The following ZNF248 variants were observed in gnomAD, a reference collection of about 807,000 sequenced individuals.
ZNF248 encodes the protein zinc finger protein 248.
ZNF248 carries 20 observed loss-of-function variants against 44.3 expected under a neutral mutation model. The ratio of observed to expected loss-of-function variants is 0.45; its 90% CI spans 0.32 to 0.66. The LOEUF is 0.66. Ranked by LOEUF, ZNF248 falls within the 30% of genes least tolerant of loss-of-function variation. The pLI, the probability that ZNF248 is intolerant of heterozygous loss-of-function variation, is 0.04. For missense variants in ZNF248, 654 were observed against 677.0 expected, an observed-to-expected ratio of 0.97 and a Z score of 0.38; for synonymous variants, 224 against 229.0, an observed-to-expected ratio of 0.98 and a Z score of 0.20.
At chr10:37,852,870 A>G (rs754938223) in intron 3 of ZNF248, among the ~76,000 whole-genome samples, 9 of 147,664 alleles carry the variant, frequency 6.1e-5, no homozygotes, top group African/African-American at 2.2e-4. Flanking sequence ...AAGGCAGATA[A>G]TTTTTTTTTT....
Position 37,830,440 on chromosome 10 carries a change from G to A in ZNF248, c.*1175C>T, listed in dbSNP as rs1040306130. On this transcript the variant is annotated 3_prime_UTR_variant, in exon 6 of 6. Transcript: ENST00000395867. ...ACTGGCCAACCTACAAAGAGACTCC[G>A]GTAGTATTTAGAGTAGGACAGATTC... 1.6e-5 allele frequency: 16 copies of A among 985,166 alleles called. No individual in the cohort carries two copies. The highest frequency in any genetic ancestry group is 2.3e-4 in the East Asian group (2 of 8,804). 61.0% of individuals were successfully genotyped at this position (985,166 alleles called of 1,614,324 possible). A position where few individuals can be genotyped will look rare whatever the true frequency, so the allele number is the denominator to read the frequency against.
intron 6 of ZNF248, among the ~76,000 whole-genome samples, chr10:37,777,584 T>C (rs1309402143): frequency 6.6e-6 from 1 of 151,218 alleles, no homozygotes; most frequent in Non-Finnish European, 1.5e-5. Context: ...GTGCACATTG[T>C]GCAGGTTAGT....
intron 6 of ZNF248, among the ~76,000 whole-genome samples, chr10:37,777,294 A>G (rs1045773757): frequency 1.3e-5 from 2 of 152,124 alleles, no homozygotes; most frequent in Non-Finnish European, 1.5e-5. Flanking sequence ...CAGCGTTGCA[A>G]CTCCTGAACA....
the ZNF248 span, among the ~76,000 whole-genome samples, chr10:37,768,741 T>G: frequency 6.6e-6 from 1 of 151,940 alleles, no homozygotes; most frequent in Non-Finnish European, 1.5e-5. Context: ...CACACTCAAA[T>G]GCTAGCAGAA....
At chr10:37,856,392 G>C in intron 2 of ZNF248, 43 bp downstream of exon 2, 17 of 1,603,604 alleles carry the variant, frequency 1.1e-5, no homozygotes, top group South Asian at 4.4e-5. Context: ...CTTGCAGTTC[G>C]GAGATTCACC....
intron 6 of ZNF248, chr10:37,803,158 A>G (rs913863745): frequency 1.3e-5 from 2 of 152,184 alleles, no homozygotes; most frequent in Admixed American, 6.5e-5. Context: ...CCACTAACAA[A>G]TGAAATGATT....
intron 6 of ZNF248, among the ~76,000 whole-genome samples, chr10:37,818,067 C>G (rs1230264266): frequency 2.0e-5 from 3 of 152,112 alleles, no homozygotes; most frequent in Non-Finnish European, 4.4e-5. Flanking sequence ...AGGCGCCCAC[C>G]ACCAAGCCTG....
rs563195358 is a variant in ZNF248 at position 37,816,297 on chromosome 10, G to A, written c.330+16728C>T. ...TACACCTCCGTGTCTGCACCTCCAC[G>A]ATCAGAAGGAGCAATCAGTGACTAG... is the stretch of plus-strand genomic sequence containing the variant. On this transcript the variant is annotated intron_variant, in intron 6 of 6. Transcript: ENST00000615949. Among the ~76,000 whole-genome samples the A allele has an allele frequency of 4.6e-5, 7 of 152,294 alleles. No individual in the cohort carries two copies. The East Asian group carries it at 5.8e-4, about 13-fold the overall frequency.
chr10:37,790,856 G>A (rs1003325756), intron 6 of ZNF248, among the ~76,000 whole-genome samples: 3 of 150,054 alleles, frequency 2.0e-5, no homozygotes, highest in African/African-American at 7.3e-5. Context: ...GAAGGTCAAG[G>A]CTGCAGTGAG....
chr10:37,824,745 G>T (rs559688673), downstream of ZNF248, among the ~76,000 whole-genome samples: 18 of 135,702 alleles, frequency 1.3e-4, no homozygotes, highest in African/African-American at 4.5e-4. Flanking sequence ...GGAGCGGCGC[G>T]ATCTCGGCTC....
chr10:37,780,567 A>T (rs1179738650), intron 6 of ZNF248, among the ~76,000 whole-genome samples: 2 of 152,236 alleles, frequency 1.3e-5, no homozygotes, highest in Non-Finnish European at 2.9e-5. Flanking sequence ...TATTAACAGC[A>T]TCCCTCTACA....
intron 6 of ZNF248, among the ~76,000 whole-genome samples, chr10:37,790,519 G>C (rs2048376438): frequency 1.3e-5 from 2 of 151,734 alleles, no homozygotes; most frequent in Non-Finnish European, 2.9e-5. Flanking sequence ...AGACCATCCT[G>C]GCCAACATGG....
chr10:37,800,783 A>G (rs1266820906), intron 6 of ZNF248, among the ~76,000 whole-genome samples: 1 of 148,702 alleles, frequency 6.7e-6, no homozygotes, highest in South Asian at 2.1e-4. Flanking sequence ...TTTTTTTGAG[A>G]TGGAGTCTCT....
At chr10:37,783,117 C>T (rs1180462764) in intron 6 of ZNF248, among the ~76,000 whole-genome samples, 2 of 152,136 alleles carry the variant, frequency 1.3e-5, no homozygotes, top group African/African-American at 4.8e-5. Context: ...GTGGCAGATG[C>T]AGGCCATACC....
At chr10:37,846,178 C>T (rs1201712372) in intron 3 of ZNF248, among the ~76,000 whole-genome samples, 1 of 152,162 alleles carries the variant, frequency 6.6e-6, no homozygotes, top group African/African-American at 2.4e-5. Context: ...TCTCTTGCTG[C>T]AAATCCCAAT....
chr10:37,824,670 TAA>T (rs2054058195), downstream of ZNF248, among the ~76,000 whole-genome samples: 1 of 126,878 alleles, frequency 7.9e-6, no homozygotes, highest in African/African-American at 3.1e-5. Flanking sequence ...AAAATTATTT[TAA>T]ATTTTTTTTT....
rs1440703205 is a variant in ZNF248 at position 37,819,257 on chromosome 10, T to C, written c.330+13768A>G. The C allele has an allele frequency of 1.3e-5, 11 of 879,398 alleles. No individual in the cohort carries two copies. In the East Asian group the frequency reaches 2.4e-4, roughly 19 times the overall value. 54.5% of individuals were successfully genotyped at this position (879,398 alleles called of 1,614,324 possible). ...TGACATTAATTTGTGCCGTTTCAGATAGAAGTTTAGATCATTTCCCTCACA... is the reference window on the plus strand; with the variant it reads ...TGACATTAATTTGTGCCGTTTCAGACAGAAGTTTAGATCATTTCCCTCACA... On this transcript the variant is annotated intron_variant, in intron 6 of 6. Transcript: ENST00000615949.
At chr10:37,797,107 T>G (rs994451235) in intron 6 of ZNF248, among the ~76,000 whole-genome samples, 5 of 152,158 alleles carry the variant, frequency 3.3e-5, no homozygotes, top group Non-Finnish European at 7.4e-5. Flanking sequence ...CTAAGGCATA[T>G]AAAGATTAAG....
upstream of ZNF248, chr10:37,857,756 A>T (rs1348238047): frequency 6.6e-6 from 1 of 152,388 alleles, no homozygotes; most frequent in Non-Finnish European, 1.5e-5. Flanking sequence ...GCCAGTGCGC[A>T]TTGCCTACCC....
Sources: allele counts gnomAD v4.1 joint callset (sites outside exome capture counted in the v4.1 genomes callset), GRCh38; gene constraint gnomAD v4.1.1; transcripts MANE v1.5; gene names NCBI Gene and HGNC (gene_info 2026-07-23, HGNC 2026-07-21).